TBXAS1: variants seen among roughly 807,000 people sequenced by gnomAD.
TBXAS1 encodes the protein thromboxane A synthase 1.
TBXAS1 carries 48 observed loss-of-function variants against 60.7 expected under a neutral mutation model. That is an observed-to-expected ratio of 0.79 (90% CI 0.63 to 1.01). The LOEUF is 1.01. TBXAS1 is among the 50% of genes least tolerant of loss of function. The probability of loss-of-function intolerance (pLI) is 0.00; values close to 1 mark genes in which losing one functional copy is unlikely to be tolerated. For synonymous variants in TBXAS1, 287 were observed against 269.7 expected (o/e 1.06, Z -0.63); for missense variants, 685 against 686.3 (o/e 1.00, Z 0.02).
intron 4 of TBXAS1, among the ~76,000 whole-genome samples, chr7:139,927,330 A>G (rs1320453543): frequency 6.6e-6 from 1 of 152,154 alleles, no homozygotes; most frequent in African/African-American, 2.4e-5. Flanking sequence ...TGAAGTTATC[A>G]TATCTTGCAA....
Position 139,834,839 on chromosome 7 carries a change from CA to C in TBXAS1, c.89+5368del, listed in dbSNP as rs544210388. Among the ~76,000 whole-genome samples, 434 of 151,602 alleles carry C rather than the reference CA, an allele frequency of 2.9e-3. 2 individuals are homozygous for C. Among genetic ancestry groups the C allele is most frequent in the Non-Finnish European group, 3.2e-3 (216 of 67,846 alleles). On this transcript the variant is annotated intron_variant, in intron 1 of 12. Transcript: ENST00000448866. The stretch of plus-strand genomic sequence containing the variant: ...GAAATGGTAATTAAAAAATTACCAA[CA>C]AAAAAAAGTCCAGGACCATAAGGAT...
At chr7:139,993,586 C>A (rs1056845178) in intron 9 of TBXAS1, among the ~76,000 whole-genome samples, 3 of 152,162 alleles carry the variant, frequency 2.0e-5, no homozygotes, top group Non-Finnish European at 2.9e-5. Flanking sequence ...CACAGTGTGA[C>A]CCGAGAAGCA....
chr7:139,946,152 G>A (rs939575469), intron 5 of TBXAS1, among the ~76,000 whole-genome samples: 2 of 152,132 alleles, frequency 1.3e-5, no homozygotes, highest in African/African-American at 4.8e-5. Context: ...GGGCAACATA[G>A]GGAGACCCCG....
intron 9 of TBXAS1, among the ~76,000 whole-genome samples, chr7:139,987,442 G>A (rs368448791): frequency 6.6e-6 from 1 of 152,264 alleles, no homozygotes; most frequent in South Asian, 2.1e-4. Flanking sequence ...AAGACTGGCC[G>A]ACAGCTCTGT....
chr7:140,019,994 T>C lies in TBXAS1; in HGVS notation c.1528-31T>C, dbSNP rs764037954. On this transcript the variant is annotated intron_variant, in intron 12 of 12. Coordinates refer to ENST00000448866, the MANE Select transcript of TBXAS1 (RefSeq NM_001061.7). Reference sequence around the variant, plus strand: ...TGTACAGTGAGATGCTACTATCTCTTTGACAAATATTTTAATTTTCTCTAT... The same window carrying C: ...TGTACAGTGAGATGCTACTATCTCTCTGACAAATATTTTAATTTTCTCTAT... 37 of 1,606,650 alleles carry C rather than the reference T, an allele frequency of 2.3e-5. 1 individual carries two copies. In the East Asian group the frequency reaches 4.2e-4, roughly 18 times the overall value.
intron 9 of TBXAS1, among the ~76,000 whole-genome samples, chr7:139,994,807 G>A (rs1432871605): frequency 1.3e-5 from 2 of 152,172 alleles, no homozygotes; most frequent in African/African-American, 4.8e-5. Context: ...GGAGAAAAGA[G>A]AGCTGTTCAA....
intron 5 of TBXAS1, among the ~76,000 whole-genome samples, chr7:139,948,281 G>T (rs1808908294): frequency 6.6e-6 from 1 of 152,164 alleles, no homozygotes; most frequent in Admixed American, 6.5e-5. Flanking sequence ...CACAAGACCT[G>T]TTCTTTGTGC....
At chr7:139,882,238 C>T (rs1410092087) in intron 3 of TBXAS1, among the ~76,000 whole-genome samples, 2 of 152,154 alleles carry the variant, frequency 1.3e-5, no homozygotes, top group East Asian at 1.9e-4. Flanking sequence ...AAAGACTCAC[C>T]TGTTGGACAT....
rs115611657 is a variant in TBXAS1 at position 139,977,017 on chromosome 7, C to T, written c.1134+14784C>T. Reference sequence around the variant, plus strand: ...CATACAAAACAAACAAACAAACAAACAAAACCCAAATCCCTGGCAAGCCCC... The same window carrying T: ...CATACAAAACAAACAAACAAACAAATAAAACCCAAATCCCTGGCAAGCCCC... On this transcript the variant is annotated intron_variant, in intron 9 of 12. Coordinates refer to ENST00000448866, the MANE Select transcript of TBXAS1 (RefSeq NM_001061.7). 4.9e-3 allele frequency among the ~76,000 whole-genome samples: 752 copies of T among 152,206 alleles called. 11 individuals are homozygous for T. Among genetic ancestry groups the T allele is most frequent in the African/African-American group, 0.017 (721 of 41,530 alleles).
chr7:139,891,132 C>G (rs1803574212), intron 3 of TBXAS1, among the ~76,000 whole-genome samples: 1 of 152,036 alleles, frequency 6.6e-6, no homozygotes, highest in Admixed American at 6.6e-5. Flanking sequence ...GGAGGAGATA[C>G]CCAGTGGCCC....
chr7:139,811,518 G>C (rs958035853), intron 4 of TBXAS1, among the ~76,000 whole-genome samples: 4 of 152,240 alleles, frequency 2.6e-5, no homozygotes, highest in African/African-American at 9.6e-5. Context: ...ACTAGAAATG[G>C]TTCCCTGGCA....
chr7:140,015,542 A>G lies in TBXAS1; in HGVS notation c.1227-181A>G, dbSNP rs2286200. ...CCTGGGCAGTGAGTGGTAATGGGGT[A>G]GGGGCTTGGTCACCCTGGGAAGGGG... On this transcript the variant is annotated intron_variant, in intron 10 of 12. Transcript: ENST00000448866. 0.46 allele frequency among the ~76,000 whole-genome samples: 69,645 copies of G among 151,964 alleles called. 18,374 individuals carry two copies. The highest frequency in any genetic ancestry group is 0.72 in the African/African-American group (29,955 of 41,420).
intron 1 of TBXAS1, among the ~76,000 whole-genome samples, chr7:139,859,104 A>C (rs919090362): frequency 6.6e-6 from 1 of 151,306 alleles, no homozygotes; most frequent in Non-Finnish European, 1.5e-5. Flanking sequence ...CAAACTCCCA[A>C]CCTCAGGTGA....
chr7:139,933,033 G>A (rs116146483), intron 4 of TBXAS1, among the ~76,000 whole-genome samples: 4,630 of 152,124 alleles, frequency 0.03, 216 homozygotes, highest in African/African-American at 0.1. Flanking sequence ...CTACCGCCTG[G>A]GTGACAGAGC....
rs553867124 is a variant in TBXAS1 at position 139,797,423 on chromosome 7, G to A, written c.-80+9997G>A. ...GGTTTGGCCACAGTGTTAGCCATTG[G>A]CCCTGCATTGATCCTCACATAGTAA... On this transcript the variant is annotated intron_variant, in intron 4 of 16. Transcript: ENST00000336425. The A allele has an allele frequency of 2.6e-5, 4 of 152,260 alleles. No homozygotes were observed. The South Asian group carries it at 8.3e-4, about 32-fold the overall frequency. 9.4% of individuals were successfully genotyped at this position (152,260 alleles called of 1,614,324 possible). A position where few individuals can be genotyped will look rare whatever the true frequency, so the allele number is the denominator to read the frequency against.
chr7:139,928,834 ACTTTTTTAAAAAAT>A (rs1238324611), intron 4 of TBXAS1, among the ~76,000 whole-genome samples: 2 of 152,232 alleles, frequency 1.3e-5, no homozygotes, highest in Non-Finnish European at 2.9e-5. Context: ...CCTAAGGATC[ACTTTTTTAAAAAAT>A]CTTTTTTAAA....
chr7:139,991,546 G>A (rs527573819), intron 9 of TBXAS1, among the ~76,000 whole-genome samples: 13 of 152,290 alleles, frequency 8.5e-5, no homozygotes, highest in East Asian at 3.9e-4. Context: ...AGGGAGGCAC[G>A]CAGGCTGCTA....
chr7:140,015,081 AAAAC>A (rs143531509), intron 10 of TBXAS1, among the ~76,000 whole-genome samples: 40,463 of 151,690 alleles, frequency 0.27, 5,987 homozygotes, highest in East Asian at 0.53. Context: ...TTAAAACAGA[AAAAC>A]AAACAAACCA....
intron 1 of TBXAS1, among the ~76,000 whole-genome samples, chr7:139,831,579 T>A (rs1199207220): frequency 6.6e-6 from 1 of 152,218 alleles, no homozygotes; most frequent in Admixed American, 6.5e-5. Flanking sequence ...TTGCTTTAAG[T>A]GTTACATGTG....
Sources: allele counts gnomAD v4.1 joint callset (sites outside exome capture counted in the v4.1 genomes callset), GRCh38; gene constraint gnomAD v4.1.1; transcripts MANE v1.5; gene names NCBI Gene and HGNC (gene_info 2026-07-23, HGNC 2026-07-21).